Variants in GPATCH2 observed in about 807,000 individuals in gnomAD.
GPATCH2 encodes G patch domain-containing protein 2.
GPATCH2 carries 51 observed loss-of-function variants against 58.0 expected under a neutral mutation model. The observed-to-expected ratio is 0.88, with a 90% CI of 0.70 to 1.11. The LOEUF is 1.11. GPATCH2 is among the 50% of genes most tolerant of loss of function. The pLI, the probability that GPATCH2 is intolerant of heterozygous loss-of-function variation, is 0.00. For synonymous variants in GPATCH2, 222 were observed against 218.5 expected, an observed-to-expected ratio of 1.02 and a Z score of -0.14; for missense variants, 625 against 652.2, an observed-to-expected ratio of 0.96 and a Z score of 0.45.
rs919452141 is a variant in GPATCH2 at position 217,427,731 on chromosome 1, G to A, written c.*3414C>T. 9 of 152,030 alleles carry A rather than the reference G, an allele frequency of 5.9e-5. No homozygotes were observed. In the South Asian group the frequency reaches 8.3e-4, roughly 14 times the overall value. 9.4% of individuals were successfully genotyped at this position (152,030 alleles called of 1,614,324 possible). ...GTCAACAGTGATTTTTTCTCTTTTC[G>A]GAAATATCTGCTCAAAATAAAGTGT... On this transcript the variant is annotated 3_prime_UTR_variant, in exon 10 of 10. Transcript: ENST00000366935.
At chr1:217,523,922 CGG>C (rs1663643434) in intron 5 of GPATCH2, among the ~76,000 whole-genome samples, 6 of 110,818 alleles carry the variant, frequency 5.4e-5, no homozygotes, top group Non-Finnish European at 1.1e-4. Context: ...ACCTCCCTCC[CGG>C]ACGGGGCAGT....
intron 8 of GPATCH2, among the ~76,000 whole-genome samples, chr1:217,458,051 C>A (rs1412751543): frequency 2.0e-5 from 3 of 152,138 alleles, no homozygotes; most frequent in African/African-American, 7.2e-5. Context: ...CACGGTGAAA[C>A]CCCGTCTCTA....
chr1:217,600,253 T>C (rs1405643084), intron 5 of GPATCH2, among the ~76,000 whole-genome samples: 2 of 152,128 alleles, frequency 1.3e-5, no homozygotes, highest in African/African-American at 4.8e-5. Context: ...TTACAAGTTT[T>C]ATTGGCTTAA....
intron 5 of GPATCH2, among the ~76,000 whole-genome samples, chr1:217,588,569 CCA>C (rs1461725055): frequency 1.3e-5 from 2 of 151,834 alleles, no homozygotes; most frequent in Non-Finnish European, 2.9e-5. Context: ...CAGAAAAATT[CCA>C]GTCATATAAT....
chr1:217,460,551 CA>C (rs2102487011), intron 8 of GPATCH2, among the ~76,000 whole-genome samples: 1 of 152,332 alleles, frequency 6.6e-6, no homozygotes, highest in South Asian at 2.1e-4. Flanking sequence ...TGCAGAGGCA[CA>C]AAGGCATTCA....
intron 6 of GPATCH2, chr1:217,498,617 G>C: frequency 1.7e-6 from 1 of 589,248 alleles, no homozygotes; most frequent in Non-Finnish European, 3.0e-6. Context: ...AGCAAACTGA[G>C]TTAGAATTAC....
intron 9 of GPATCH2, among the ~76,000 whole-genome samples, chr1:217,432,938 T>C (rs1267979209): frequency 6.6e-6 from 1 of 152,092 alleles, no homozygotes; most frequent in Non-Finnish European, 1.5e-5. Flanking sequence ...AGCAGCTGAG[T>C]CCTGGCTCTA....
chr1:217,620,721 T>C (rs1669143680), intron 1 of GPATCH2, among the ~76,000 whole-genome samples: 1 of 152,224 alleles, frequency 6.6e-6, no homozygotes. Flanking sequence ...ACTTCCAAGA[T>C]AGAATAAGCT....
At chr1:217,545,870 G>C (rs1432903153) in intron 5 of GPATCH2, among the ~76,000 whole-genome samples, 2 of 152,168 alleles carry the variant, frequency 1.3e-5, no homozygotes, top group Non-Finnish European at 2.9e-5. Context: ...TGAGAAAATG[G>C]ATAACTGTTA....
chr1:217,431,016 A>G lies in GPATCH2; in HGVS notation c.*129T>C. The G allele has an allele frequency of 1.5e-6, 1 of 681,664 alleles. No individual in the cohort carries two copies. Among genetic ancestry groups the G allele is most frequent in the Non-Finnish European group, 2.7e-6 (1 of 374,086 alleles). The allele number at this position is 681,664 out of a possible 1,614,324, so 42.2% of individuals were successfully genotyped here. On this transcript the variant is annotated 3_prime_UTR_variant, in exon 10 of 10. Coordinates refer to ENST00000366935, the MANE Select transcript of GPATCH2 (RefSeq NM_018040.5). ...CTCTCACTATGGCAGGACTGTATGC[A>G]GTAAGGAAGCTAGAGTGATGTGTTT... is the stretch of plus-strand genomic sequence containing the variant.
chr1:217,440,248 C>T (rs370020626), intron 9 of GPATCH2, among the ~76,000 whole-genome samples: 8 of 152,100 alleles, frequency 5.3e-5, no homozygotes, highest in African/African-American at 1.9e-4. Flanking sequence ...ATAAACAGAA[C>T]CAATGACAAA....
chr1:217,548,911 C>G (rs1665208964), intron 5 of GPATCH2, among the ~76,000 whole-genome samples: 1 of 152,174 alleles, frequency 6.6e-6, no homozygotes, highest in Non-Finnish European at 1.5e-5. Flanking sequence ...ATAGTATACC[C>G]AGTCTCGGGT....
chr1:217,534,089 G>A (rs997724123), intron 5 of GPATCH2, among the ~76,000 whole-genome samples: 6 of 152,108 alleles, frequency 3.9e-5, no homozygotes, highest in African/African-American at 1.4e-4. Context: ...GGTGGGGGGT[G>A]CCTGTAATCC....
chr1:217,611,907 T>A (rs927905653), intron 3 of GPATCH2, among the ~76,000 whole-genome samples: 1 of 152,086 alleles, frequency 6.6e-6, no homozygotes, highest in African/African-American at 2.4e-5. Flanking sequence ...AGGCCAGTCA[T>A]GGTGGCTCAT....
chr1:217,428,959 C>T lies in GPATCH2; in HGVS notation c.*2186G>A, dbSNP rs924267698. ...ATGAGGGTTTTTACTTCCATTAGAA[C>T]ATAATAAGGTGAAAAAGAACAGCCA... On this transcript the variant is annotated 3_prime_UTR_variant, in exon 10 of 10. Transcript: ENST00000366935. 1.3e-5 allele frequency: 2 copies of T among 152,060 alleles called. No individual in the cohort carries two copies. The highest frequency in any genetic ancestry group is 4.8e-5 in the African/African-American group (2 of 41,398). 9.4% of individuals were successfully genotyped at this position (152,060 alleles called of 1,614,324 possible).
chr1:217,507,894 C>T (rs1662639515), intron 6 of GPATCH2, among the ~76,000 whole-genome samples: 1 of 151,946 alleles, frequency 6.6e-6, no homozygotes, highest in African/African-American at 2.4e-5. Flanking sequence ...GGGTCTAATA[C>T]CTGCTATGAC....
intron 5 of GPATCH2, among the ~76,000 whole-genome samples, chr1:217,531,648 A>T (rs1001919443): frequency 5.3e-5 from 8 of 152,206 alleles, no homozygotes; most frequent in African/African-American, 1.9e-4. Context: ...AATATAGAAA[A>T]TGAAAGAGAT....
chr1:217,607,029 G>T (rs1187823141), intron 5 of GPATCH2, among the ~76,000 whole-genome samples: 1 of 152,124 alleles, frequency 6.6e-6, no homozygotes, highest in Non-Finnish European at 1.5e-5. Context: ...TCAGAGTGTG[G>T]ATTCACAAAG....
intron 8 of GPATCH2, among the ~76,000 whole-genome samples, chr1:217,477,840 C>G (rs1296958716): frequency 2.0e-5 from 3 of 152,156 alleles, no homozygotes; most frequent in Non-Finnish European, 4.4e-5. Flanking sequence ...TTACAACAGG[C>G]CTTGGTTGAG....
Sources: gnomAD v4.1 joint callset for allele counts (sites outside exome capture counted in the v4.1 genomes callset) on GRCh38, gnomAD v4.1.1 for gene constraint, MANE v1.5 for transcripts, NCBI Gene and HGNC (gene_info 2026-07-23, HGNC 2026-07-21) for gene names.